Variants in NFKBIZ observed in about 807,000 individuals in gnomAD.
NFKBIZ encodes the protein NFKB inhibitor zeta, also known as NF-kappa-B inhibitor zeta.
Under a neutral mutation model 76.8 loss-of-function variants are expected in NFKBIZ, and 19 were observed. The observed-to-expected ratio is 0.25, with a 90% confidence interval of 0.17 to 0.36. The LOEUF (loss-of-function observed/expected upper bound fraction) is 0.36. Among genes scored for constraint, NFKBIZ ranks in the 10% least tolerant of loss-of-function variants. The probability of loss-of-function intolerance (pLI) is 1.00; values close to 1 mark genes in which losing one functional copy is unlikely to be tolerated. For synonymous variants in NFKBIZ, 368 were observed against 354.8 expected, an observed-to-expected ratio of 1.04 and a Z score of -0.42; for missense variants, 829 against 910.9, an observed-to-expected ratio of 0.91 and a Z score of 1.16.
At chr3:101,828,391 C>T (rs1161374817) in intron 1 of NFKBIZ, among the ~76,000 whole-genome samples, 1 of 152,020 alleles carries the variant, frequency 6.6e-6, no homozygotes, top group Admixed American at 6.6e-5. Flanking sequence ...TTAGTAATAG[C>T]AAGAATCATG....
At chr3:101,841,486 G>A (rs1383313783) in intron 2 of NFKBIZ, among the ~76,000 whole-genome samples, 1 of 152,124 alleles carries the variant, frequency 6.6e-6, no homozygotes, top group Non-Finnish European at 1.5e-5. Context: ...GTACCGCTGT[G>A]CCCCAGTACT....
chr3:101,851,120 T>C (rs1312326619), intron 1 of NFKBIZ, among the ~76,000 whole-genome samples: 1 of 152,268 alleles, frequency 6.6e-6, no homozygotes, highest in African/African-American at 2.4e-5. Context: ...GTTTATCTCA[T>C]GTATTTATGA....
chr3:101,852,165 C>T lies in NFKBIZ; in HGVS notation c.370C>T (p.Leu124=), dbSNP rs1043198680. The change falls in exon 2 of 12, where the codon CTG becomes TTG. Residue 124 remains leucine (L), a synonymous_variant. Transcript: ENST00000326172. ...GGTAAAGAACTCAGTGAAGGAACTC[C>T]TGTTGCACATCCGAAGTCATAAACA... ...VRVKNSVKEL[L]LHIRSHKQKA... 1 of 1,614,094 alleles carries T rather than the reference C, an allele frequency of 6.2e-7. No homozygotes were observed.
At chr3:101,858,141 T>TGA in intron 11 of NFKBIZ, 2 of 984,094 alleles carry the variant, frequency 2.0e-6, no homozygotes, top group Non-Finnish European at 2.4e-6. Flanking sequence ...CTGGGAGGAA[T>TGA]GAGGGGGATT....
intron 11 of NFKBIZ, among the ~76,000 whole-genome samples, 175 bp from the exon 12 acceptor site, chr3:101,859,143 A>G (rs920869660): frequency 6.6e-6 from 1 of 152,214 alleles, no homozygotes. Flanking sequence ...AAAGGAGTTT[A>G]GTATTTTTAA....
At chr3:101,838,660 T>C (rs1942752687) in intron 2 of NFKBIZ, among the ~76,000 whole-genome samples, 2 of 152,202 alleles carry the variant, frequency 1.3e-5, no homozygotes, top group African/African-American at 4.8e-5. Flanking sequence ...ATCCAGAAAA[T>C]GTAAGCAAAA....
intron 11 of NFKBIZ, chr3:101,857,879 G>C: frequency 1.1e-6 from 1 of 890,322 alleles, no homozygotes; most frequent in Non-Finnish European, 1.3e-6. Context: ...CGGGTACAGA[G>C]TAAGAGATCA....
At chr3:101,848,593 A>G (rs997289871), upstream of NFKBIZ, among the ~76,000 whole-genome samples, 2 of 152,256 alleles carry the variant, frequency 1.3e-5, no homozygotes, top group Admixed American at 1.3e-4. Flanking sequence ...ATTTTTTGCT[A>G]GTTGGACTTG....
chr3:101,846,247 C>G (rs978896647), upstream of NFKBIZ, among the ~76,000 whole-genome samples: 1 of 152,108 alleles, frequency 6.6e-6, no homozygotes, highest in Non-Finnish European at 1.5e-5. Flanking sequence ...ACAGTGTCCT[C>G]GTAACATGGT....
upstream of NFKBIZ, among the ~76,000 whole-genome samples, chr3:101,848,457 T>C (rs1942884945): frequency 6.6e-6 from 1 of 152,222 alleles, no homozygotes; most frequent in South Asian, 2.1e-4. Context: ...TGACCTCCTT[T>C]TTCCTCTACC....
chr3:101,853,609 C>T lies in NFKBIZ; in HGVS notation c.1083C>T (p.Ser361=). 1 of 1,614,222 alleles carries T rather than the reference C, an allele frequency of 6.2e-7. No individual in the cohort carries two copies. Among genetic ancestry groups the T allele is most frequent in the South Asian group, 1.1e-5 (1 of 91,086 alleles). ...ENIANPMQTS[S]SVQQQNDAHL... Reference sequence around the variant, plus strand: ...TTGCTAATCCCATGCAGACTTCCTCCAGTGTTCAGCAGCAAAATGATGCTC... The same window carrying T: ...TTGCTAATCCCATGCAGACTTCCTCTAGTGTTCAGCAGCAAAATGATGCTC... The change falls in exon 5 of 12, where the codon TCC becomes TCT. Residue 361 remains serine, a synonymous_variant. Coordinates refer to ENST00000326172, the MANE Select transcript of NFKBIZ (RefSeq NM_031419.4).
intron 2 of NFKBIZ, among the ~76,000 whole-genome samples, chr3:101,839,340 A>G (rs1408880697): frequency 6.6e-6 from 1 of 152,192 alleles, no homozygotes; most frequent in East Asian, 1.9e-4. Flanking sequence ...AAGACATAAA[A>G]TTATATTCTT....
chr3:101,834,000 A>G (rs148112817), intron 2 of NFKBIZ, among the ~76,000 whole-genome samples: 1 of 152,282 alleles, frequency 6.6e-6, no homozygotes, highest in African/African-American at 2.4e-5. Context: ...AAATGCAAAT[A>G]ACCTTTAAGA....
intron 1 of NFKBIZ, among the ~76,000 whole-genome samples, chr3:101,828,733 G>T (rs369201718): frequency 1.2e-4 from 19 of 152,264 alleles, no homozygotes; most frequent in African/African-American, 4.1e-4. Context: ...TGATGATTTG[G>T]CTGGACCCCC....
At chr3:101,846,249 T>C (rs1451975236), upstream of NFKBIZ, among the ~76,000 whole-genome samples, 1 of 152,218 alleles carries the variant, frequency 6.6e-6, no homozygotes, top group Non-Finnish European at 1.5e-5. Flanking sequence ...AGTGTCCTCG[T>C]AACATGGTGG....
At chr3:101,848,626 T>C (rs761308134), upstream of NFKBIZ, among the ~76,000 whole-genome samples, 2 of 152,206 alleles carry the variant, frequency 1.3e-5, no homozygotes, top group Admixed American at 6.5e-5. Context: ...TATAAATCCA[T>C]TGGAAAAAAG....
Position 101,859,617 on chromosome 3 carries a change from A to C in NFKBIZ, c.*246A>C. 1 of 317,276 alleles carries C rather than the reference A, an allele frequency of 3.2e-6. No homozygotes were observed. The highest frequency in any genetic ancestry group is 5.9e-6 in the Non-Finnish European group (1 of 168,798). 19.7% of individuals were successfully genotyped at this position (317,276 alleles called of 1,614,324 possible). A position where few individuals can be genotyped will look rare whatever the true frequency, so the allele number is the denominator to read the frequency against. Reference sequence around the variant, plus strand: ...ATCTAGACATCTGAATTTGATCTCAATGGTAACATTGCCTTCAATTAACAG... The same window carrying C: ...ATCTAGACATCTGAATTTGATCTCACTGGTAACATTGCCTTCAATTAACAG... On this transcript the variant is annotated 3_prime_UTR_variant, in exon 12 of 12. Transcript: ENST00000326172.
At chr3:101,847,092 C>T (rs1281140730), upstream of NFKBIZ, among the ~76,000 whole-genome samples, 1 of 152,252 alleles carries the variant, frequency 6.6e-6, no homozygotes. Flanking sequence ...GAATGCCTGC[C>T]CGCATTGGCG....
chr3:101,828,629 T>C (rs1016273696), intron 1 of NFKBIZ, among the ~76,000 whole-genome samples: 2 of 152,180 alleles, frequency 1.3e-5, no homozygotes, highest in Admixed American at 1.3e-4. Context: ...TCAGAGTAAA[T>C]TGAAATACTT....
Sources: allele counts gnomAD v4.1 joint callset (sites outside exome capture counted in the v4.1 genomes callset), GRCh38; gene constraint gnomAD v4.1.1; transcripts MANE v1.5; gene names NCBI Gene and HGNC (gene_info 2026-07-23, HGNC 2026-07-21).